The following CHD7 variants were observed in gnomAD, a reference collection of about 807,000 sequenced individuals.
CHD7 encodes chromodomain helicase DNA binding protein 7, also known as ATP-dependent chromatin remodeler CHD7.
In CHD7, 24 loss-of-function variants were observed where a neutral mutation model predicts 307.3. The ratio of observed to expected loss-of-function variants is 0.08; its 90% CI spans 0.06 to 0.11. CHD7 has a LOEUF of 0.11. CHD7 is among the 10% of genes least tolerant of loss of function. The probability of loss-of-function intolerance (pLI) is 1.00; values close to 1 mark genes in which losing one functional copy is unlikely to be tolerated. For missense variants in CHD7, 3,106 were observed against 3,727.1 expected, an observed-to-expected ratio of 0.83 and a Z score of 4.34; for synonymous variants, 1,363 against 1,349.9, an observed-to-expected ratio of 1.01 and a Z score of -0.21.
In CHD7 at chr8:60,741,562, GACCAAGGCTTT is replaced by G; in HGVS notation, c.131_141del (p.Asp44GlyfsTer13). On this transcript the variant is annotated frameshift_variant, in exon 2 of 38. Coordinates refer to ENST00000423902, the MANE Select transcript of CHD7 (RefSeq NM_017780.4). LOFTEE classifies it high-confidence loss of function. ...TCCTATGGGTCAGCAAATGCCAATA[GACCAAGGCTTT>G]GCCTCTTTACAGCCATCCCTTCATC... 1 of 1,613,584 alleles carries G rather than the reference GACCAAGGCTTT, an allele frequency of 6.2e-7. No homozygotes were observed.
At chr8:60,712,783 G>A (rs1807347406) in intron 1 of CHD7, among the ~76,000 whole-genome samples, 1 of 151,762 alleles carries the variant, frequency 6.6e-6, no homozygotes, top group Non-Finnish European at 1.5e-5. Context: ...GGGTGCAGTG[G>A]CTCACCCCTG....
At chr8:60,768,084 T>C (rs1330280844) in intron 2 of CHD7, among the ~76,000 whole-genome samples, 1 of 152,242 alleles carries the variant, frequency 6.6e-6, no homozygotes, top group Non-Finnish European at 1.5e-5. Flanking sequence ...TCATAGTTTT[T>C]CAAATCAATT....
intron 24 of CHD7, 116 bp downstream of exon 24, chr8:60,848,720 T>C: frequency 6.1e-6 from 5 of 815,712 alleles, no homozygotes; most frequent in Non-Finnish European, 1.0e-5. Context: ...TCTCCTTTTT[T>C]GCATCTTGAA....
At chr8:60,824,878 T>A (rs1346815473) in intron 13 of CHD7, 1 of 152,216 alleles carries the variant, frequency 6.6e-6, no homozygotes, top group Admixed American at 6.5e-5. Context: ...TGTCTGATAC[T>A]GCTGTGTGTG....
At chr8:60,858,958 A>G (rs1322010568) in intron 34 of CHD7, among the ~76,000 whole-genome samples, 3 of 152,216 alleles carry the variant, frequency 2.0e-5, no homozygotes, top group Admixed American at 2.0e-4. Context: ...TTAATAATGC[A>G]ACACACGTGC....
intron 3 of CHD7, among the ~76,000 whole-genome samples, chr8:60,783,552 T>A (rs1199010382): frequency 1.3e-5 from 2 of 152,150 alleles, no homozygotes; most frequent in African/African-American, 4.8e-5. Flanking sequence ...AAGCTTTTGG[T>A]AGGAAGAAAA....
intron 37 of CHD7, 87 bp downstream of exon 37, chr8:60,862,739 T>A: frequency 1.2e-6 from 1 of 866,310 alleles, no homozygotes. Context: ...GGCCATTAAT[T>A]ATTCAGTTGT....
intron 1 of CHD7, among the ~76,000 whole-genome samples, chr8:60,697,911 G>C (rs148118283): frequency 6.6e-6 from 1 of 152,196 alleles, no homozygotes; most frequent in Non-Finnish European, 1.5e-5. Context: ...TCATGAGTTA[G>C]GTGTTTGAAC....
In CHD7 at chr8:60,806,725, C is replaced by T. The variant is rs571065461; in HGVS notation, c.2443-1492C>T. Among the ~76,000 whole-genome samples, 10 of 152,192 alleles carry T rather than the reference C, an allele frequency of 6.6e-5. No homozygotes were observed. In the East Asian group the frequency reaches 1.5e-3, roughly 24 times the overall value. On this transcript the variant is annotated intron_variant, in intron 6 of 37. Coordinates refer to ENST00000423902, the MANE Select transcript of CHD7 (RefSeq NM_017780.4). ...AACTGTTTAAAATATAGGTTTAGCT[C>T]GGTGTGGTGGCTCATGCCTGTAATC...
At position 60,851,289 on chromosome 8, in the gene CHD7, A is replaced by G; in HGVS notation, c.5635A>G (p.Lys1879Glu). 6.4e-7 allele frequency: 1 copy of G among 1,558,922 alleles called. No individual in the cohort carries two copies. The highest frequency in any genetic ancestry group is 1.4e-5 in the African/African-American group (1 of 73,624). Reference protein sequence around the residue: ...DEFANSPSEDKEESMEIHATG... With the variant: ...DEFANSPSEDEEESMEIHATG... The stretch of plus-strand genomic sequence containing the variant: ...ATTTGCAAATTCTCCTTCAGAGGAT[A>G]AGGAAGAATCCATGGAAATACATGC... The change falls in exon 28 of 38, where the codon AAG becomes GAG. Residue 1879 changes from lysine (K) to glutamate (E), a missense_variant. By Grantham distance (56) the Lys-to-Glu change is moderately conservative. Transcript: ENST00000423902.
chr8:60,743,818 T>A (rs919117772), intron 2 of CHD7, among the ~76,000 whole-genome samples: 2 of 152,250 alleles, frequency 1.3e-5, no homozygotes, highest in Non-Finnish European at 2.9e-5. Flanking sequence ...TTGTTGTTTA[T>A]GCCCTAGGTC....
chr8:60,820,439 T>A (rs751326897), intron 9 of CHD7, among the ~76,000 whole-genome samples: 1 of 152,230 alleles, frequency 6.6e-6, no homozygotes, highest in South Asian at 2.1e-4. Context: ...GTGTCTCTTG[T>A]GGCAGAATGG....
chr8:60,843,323 C>G (rs906058352), intron 21 of CHD7, among the ~76,000 whole-genome samples: 11 of 152,224 alleles, frequency 7.2e-5, no homozygotes, highest in Non-Finnish European at 1.3e-4. Flanking sequence ...CGCAAAAGCC[C>G]TTTGCTACCC....
intron 34 of CHD7, among the ~76,000 whole-genome samples, chr8:60,859,326 G>C (rs776638957): frequency 1.3e-5 from 2 of 152,172 alleles, no homozygotes; most frequent in African/African-American, 4.8e-5. Context: ...TTAGTATTTT[G>C]TCAGCACTCT....
chr8:60,784,190 G>A (rs1367273536), intron 3 of CHD7, among the ~76,000 whole-genome samples: 1 of 152,214 alleles, frequency 6.6e-6, no homozygotes, highest in African/African-American at 2.4e-5. Context: ...GGTTATGTTA[G>A]TACTGGGTTT....
At chr8:60,705,958 G>A (rs1586188837) in intron 1 of CHD7, among the ~76,000 whole-genome samples, 2 of 152,148 alleles carry the variant, frequency 1.3e-5, no homozygotes, top group South Asian at 4.2e-4. Flanking sequence ...AAGAAACTTT[G>A]GATTTCCCCA....
intron 3 of CHD7, among the ~76,000 whole-genome samples, chr8:60,782,075 AACTG>A (rs1811266441): frequency 6.6e-6 from 1 of 152,210 alleles, no homozygotes; most frequent in South Asian, 2.1e-4. Flanking sequence ...CGGTAAGAAA[AACTG>A]AGAGGAGAAG....
At chr8:60,689,041 C>T (rs1806061955) in intron 1 of CHD7, among the ~76,000 whole-genome samples, 1 of 152,160 alleles carries the variant, frequency 6.6e-6, no homozygotes, top group South Asian at 2.1e-4. Flanking sequence ...AGAGGGAAGG[C>T]TCTGGGGTAG....
intron 1 of CHD7, among the ~76,000 whole-genome samples, chr8:60,699,449 G>A (rs1210710711): frequency 6.6e-6 from 1 of 152,082 alleles, no homozygotes. Flanking sequence ...TGATTTAACT[G>A]TTTTGTTTCT....
Sources: allele counts gnomAD v4.1 joint callset (sites outside exome capture counted in the v4.1 genomes callset), GRCh38; gene constraint gnomAD v4.1.1; transcripts MANE v1.5; gene names NCBI Gene and HGNC (gene_info 2026-07-23, HGNC 2026-07-21).